The following SMOC2 variants were observed in gnomAD, a reference collection of about 807,000 sequenced individuals.
SMOC2 encodes SPARC related modular calcium binding 2, also known as SPARC-related modular calcium-binding protein 2.
SMOC2 carries 39 observed loss-of-function variants against 61.4 expected under a neutral mutation model. That is an observed-to-expected ratio of 0.64 (90% CI 0.49 to 0.83). SMOC2 has a LOEUF of 0.83. SMOC2 is among the 40% of genes least tolerant of loss of function. SMOC2 has a pLI of 0.00. For missense variants in SMOC2, 556 were observed against 592.9 expected (o/e 0.94, Z 0.65); for synonymous variants, 247 against 239.9 (o/e 1.03, Z -0.27).
chr6:168,599,108 T>TCA (rs372136471), intron 8 of SMOC2, 104 bp downstream of exon 8: 20 of 999,366 alleles, frequency 2.0e-5, no homozygotes, highest in African/African-American at 3.5e-5. Context: ...CGACACACAG[T>TCA]CACACACACA....
At chr6:168,543,713 T>A in intron 5 of SMOC2, 41 bp downstream of exon 5, 2 of 1,560,976 alleles carry the variant, frequency 1.3e-6, no homozygotes, top group Non-Finnish European at 1.8e-6. Context: ...ATATGTAACA[T>A]CTAACTTATC....
intron 11 of SMOC2, among the ~76,000 whole-genome samples, chr6:168,658,935 ATGTGTGGTG>A (rs1319907559): frequency 3.8e-4 from 49 of 130,130 alleles, no homozygotes; most frequent in Admixed American, 9.8e-4. Context: ...GAGTGTGTGT[ATGTGTGGTG>A]TGTGTGGTGT....
At chr6:168,464,167 G>C (rs1372431889) in intron 1 of SMOC2, among the ~76,000 whole-genome samples, 3 of 131,090 alleles carry the variant, frequency 2.3e-5, no homozygotes, top group African/African-American at 9.1e-5. Context: ...CTCCATCCTG[G>C]GCAACAGAGC....
chr6:168,587,489 C>T (rs571255500), intron 7 of SMOC2, among the ~76,000 whole-genome samples: 4 of 152,306 alleles, frequency 2.6e-5, no homozygotes, highest in South Asian at 2.1e-4. Context: ...TCCAGAAAGG[C>T]GGGACAACTT....
At chr6:168,497,528 C>T (rs555561066) in intron 1 of SMOC2, among the ~76,000 whole-genome samples, 2 of 152,264 alleles carry the variant, frequency 1.3e-5, no homozygotes, top group South Asian at 2.1e-4. Flanking sequence ...ACCCTCCTGC[C>T]TACCCGGGCA....
At chr6:168,630,715 T>C (rs1786544479) in intron 9 of SMOC2, among the ~76,000 whole-genome samples, 1 of 152,202 alleles carries the variant, frequency 6.6e-6, no homozygotes, top group African/African-American at 2.4e-5. Flanking sequence ...ACTGAATTCT[T>C]TTTCTCAGCA....
intron 7 of SMOC2, among the ~76,000 whole-genome samples, chr6:168,552,564 A>G (rs1262568737): frequency 6.6e-6 from 1 of 152,214 alleles, no homozygotes; most frequent in East Asian, 1.9e-4. Flanking sequence ...CAGACATAGA[A>G]TATGGTTGCC....
intron 7 of SMOC2, among the ~76,000 whole-genome samples, chr6:168,580,878 G>C (rs1403224931): frequency 6.6e-6 from 1 of 152,210 alleles, no homozygotes; most frequent in Non-Finnish European, 1.5e-5. Flanking sequence ...TTTTAATGCT[G>C]TGTTGTTATG....
At chr6:168,610,414 A>G (rs1433619846) in intron 9 of SMOC2, among the ~76,000 whole-genome samples, 1 of 152,220 alleles carries the variant, frequency 6.6e-6, no homozygotes, top group Non-Finnish European at 1.5e-5. Context: ...TTATTAGGAA[A>G]AAACAAGTAG....
intron 1 of SMOC2, among the ~76,000 whole-genome samples, chr6:168,465,481 G>A (rs1562542316): frequency 6.6e-6 from 1 of 150,690 alleles, no homozygotes; most frequent in African/African-American, 2.4e-5. Context: ...AAAAAAAAAA[G>A]AAAAAAGAAA....
At chr6:168,656,276 T>C (rs1241526210) in intron 11 of SMOC2, among the ~76,000 whole-genome samples, 1 of 152,066 alleles carries the variant, frequency 6.6e-6, no homozygotes, top group Non-Finnish European at 1.5e-5. Flanking sequence ...TTTGGGAGGC[T>C]GAAGCGGGTG....
At chr6:168,442,780 A>C (rs565592335) in intron 1 of SMOC2, among the ~76,000 whole-genome samples, 2 of 152,146 alleles carry the variant, frequency 1.3e-5, no homozygotes, top group East Asian at 3.9e-4. Context: ...TTGTGAGTTC[A>C]TTGCTCATAC....
intron 9 of SMOC2, among the ~76,000 whole-genome samples, chr6:168,617,532 G>A (rs1786125439): frequency 6.6e-6 from 1 of 152,104 alleles, no homozygotes; most frequent in South Asian, 2.1e-4. Context: ...GACTCTGATG[G>A]GCCAGGGGCA....
intron 2 of SMOC2, among the ~76,000 whole-genome samples, chr6:168,519,593 C>T (rs139633276): frequency 6.6e-6 from 1 of 152,142 alleles, no homozygotes. Context: ...CCTAGAACAT[C>T]GCACATCCAA....
intron 7 of SMOC2, among the ~76,000 whole-genome samples, chr6:168,555,116 G>C (rs111999460): frequency 0.022 from 3,316 of 152,308 alleles, 46 homozygotes; most frequent in Non-Finnish European, 0.032. Flanking sequence ...CTTCCCTGGG[G>C]CCAGCTCCCG....
At chr6:168,512,613 C>A (rs1783034671) in intron 2 of SMOC2, among the ~76,000 whole-genome samples, 1 of 152,180 alleles carries the variant, frequency 6.6e-6, no homozygotes, top group African/African-American at 2.4e-5. Flanking sequence ...TTTAAAGATG[C>A]TGACATGAAC....
chr6:168,477,702 G>A (rs546144485), intron 1 of SMOC2, among the ~76,000 whole-genome samples: 5 of 152,204 alleles, frequency 3.3e-5, no homozygotes, highest in East Asian at 3.9e-4. Flanking sequence ...GTGTTGGGGC[G>A]GTGGGTTGTA....
chr6:168,519,210 C>CGT (rs1349595594), intron 2 of SMOC2, among the ~76,000 whole-genome samples: 2 of 110,830 alleles, frequency 1.8e-5, no homozygotes, highest in African/African-American at 2.9e-5. Context: ...TGTATGCATG[C>CGT]GTGTGTGAGA....
intron 7 of SMOC2, among the ~76,000 whole-genome samples, chr6:168,557,668 C>T (rs932525053): frequency 1.3e-5 from 2 of 151,962 alleles, no homozygotes; most frequent in African/African-American, 4.8e-5. Context: ...CATGGGTCTG[C>T]TGTTGGCGTC....
Sources: allele counts gnomAD v4.1 joint callset (sites outside exome capture counted in the v4.1 genomes callset), GRCh38; gene constraint gnomAD v4.1.1; transcripts MANE v1.5; gene names NCBI Gene and HGNC (gene_info 2026-07-23, HGNC 2026-07-21).